The following FSTL5 variants were observed in gnomAD, a reference collection of about 807,000 sequenced individuals.
FSTL5 encodes the protein follistatin like 5.
FSTL5 carries 62 observed loss-of-function variants against 89.1 expected under a neutral mutation model. That is an observed-to-expected ratio of 0.70 (90% CI 0.57 to 0.86). The LOEUF (loss-of-function observed/expected upper bound fraction) is 0.86. Ranked by LOEUF, FSTL5 falls within the 40% of genes least tolerant of loss-of-function variation. The probability of loss-of-function intolerance (pLI) is 0.00; values close to 1 mark genes in which losing one functional copy is unlikely to be tolerated. For missense variants in FSTL5, 1,057 were observed against 1,001.6 expected, an observed-to-expected ratio of 1.06 and a Z score of -0.75; for synonymous variants, 383 against 346.2, an observed-to-expected ratio of 1.11 and a Z score of -1.18.
intron 3 of FSTL5, among the ~76,000 whole-genome samples, chr4:161,971,520 G>A (rs757701799): frequency 2.6e-5 from 4 of 152,020 alleles, no homozygotes; most frequent in Non-Finnish European, 4.4e-5. Context: ...TCTCCCTTCT[G>A]AAGAAGTAGA....
At chr4:161,814,155 A>C (rs1439291111) in intron 4 of FSTL5, among the ~76,000 whole-genome samples, 1 of 152,190 alleles carries the variant, frequency 6.6e-6, no homozygotes, top group Non-Finnish European at 1.5e-5. Context: ...AACAGAAAGA[A>C]GGGGAAGAAA....
At chr4:161,719,626 CCTTTT>C (rs1345129932) in intron 6 of FSTL5, among the ~76,000 whole-genome samples, 1 of 152,078 alleles carries the variant, frequency 6.6e-6, no homozygotes, top group South Asian at 2.1e-4. Flanking sequence ...AGATTCCTTT[CCTTTT>C]ATGTGTGTCC....
At chr4:161,929,102 T>G (rs752290662) in intron 3 of FSTL5, among the ~76,000 whole-genome samples, 3 of 151,314 alleles carry the variant, frequency 2.0e-5, no homozygotes, top group Non-Finnish European at 4.4e-5. Flanking sequence ...CTTCCTTCCT[T>G]ACTTCCTTCC....
chr4:161,795,448 C>G (rs1162648108), intron 4 of FSTL5, among the ~76,000 whole-genome samples: 1 of 152,024 alleles, frequency 6.6e-6, no homozygotes, highest in Non-Finnish European at 1.5e-5. Context: ...TTTTCCTGAG[C>G]TGAATGAAAT....
intron 3 of FSTL5, among the ~76,000 whole-genome samples, chr4:162,000,851 A>C (rs1179230685): frequency 2.0e-5 from 3 of 152,108 alleles, no homozygotes; most frequent in Non-Finnish European, 2.9e-5. Flanking sequence ...CCTTGGCACA[A>C]AATAAGGAAG....
chr4:161,743,726 T>A (rs1441939410), intron 6 of FSTL5, among the ~76,000 whole-genome samples: 3 of 152,114 alleles, frequency 2.0e-5, no homozygotes, highest in Non-Finnish European at 2.9e-5. Flanking sequence ...TGCTTACAAA[T>A]AAAAAATTGG....
chr4:161,725,067 G>A (rs899158183), intron 6 of FSTL5, among the ~76,000 whole-genome samples: 2 of 151,998 alleles, frequency 1.3e-5, no homozygotes, highest in Admixed American at 1.3e-4. Flanking sequence ...GTGGTGTCAC[G>A]TGCCTGTAGT....
chr4:161,624,725 T>A (rs1280356929), intron 7 of FSTL5, among the ~76,000 whole-genome samples: 1 of 152,070 alleles, frequency 6.6e-6, no homozygotes, highest in African/African-American at 2.4e-5. Flanking sequence ...GCATCTAGAA[T>A]GAGGAAGAAC....
chr4:161,753,637 T>C (rs1218254588), intron 6 of FSTL5, among the ~76,000 whole-genome samples: 1 of 152,206 alleles, frequency 6.6e-6, no homozygotes, highest in South Asian at 2.1e-4. Context: ...ATTTTTATTG[T>C]TCTAATTATT....
chr4:161,641,827 C>T (rs1735976688), intron 7 of FSTL5, among the ~76,000 whole-genome samples: 1 of 151,948 alleles, frequency 6.6e-6, no homozygotes, highest in Admixed American at 6.6e-5. Context: ...GTTAAATGGA[C>T]TTCCTATGGT....
intron 4 of FSTL5, among the ~76,000 whole-genome samples, chr4:161,821,952 G>A (rs1251368663): frequency 1.3e-5 from 2 of 152,156 alleles, no homozygotes; most frequent in Non-Finnish European, 2.9e-5. Flanking sequence ...GTACCCAGCA[G>A]TGAAGGATTG....
chr4:161,946,804 T>C (rs987805367), intron 3 of FSTL5, among the ~76,000 whole-genome samples: 1 of 152,182 alleles, frequency 6.6e-6, no homozygotes, highest in African/African-American at 2.4e-5. Context: ...AATTTTATAA[T>C]ACACTGTCAA....
intron 13 of FSTL5, among the ~76,000 whole-genome samples, chr4:161,470,704 A>G (rs751424744): frequency 1.3e-5 from 2 of 151,938 alleles, no homozygotes; most frequent in African/African-American, 2.4e-5. Flanking sequence ...TCTTAACAAT[A>G]TTGAGTCTTT....
chr4:161,983,046 T>G (rs1735869183), intron 3 of FSTL5, among the ~76,000 whole-genome samples: 1 of 152,198 alleles, frequency 6.6e-6, no homozygotes, highest in African/African-American at 2.4e-5. Flanking sequence ...AAGTGATAAT[T>G]TAATCAGAGA....
chr4:161,473,834 A>G (rs1261693001), intron 13 of FSTL5, among the ~76,000 whole-genome samples: 1 of 152,098 alleles, frequency 6.6e-6, no homozygotes, highest in Non-Finnish European at 1.5e-5. Context: ...TATCTTTCAG[A>G]CTTTTAGTGT....
chr4:161,629,993 C>T (rs1356189450), intron 7 of FSTL5, among the ~76,000 whole-genome samples: 2 of 152,218 alleles, frequency 1.3e-5, no homozygotes, highest in East Asian at 3.9e-4. Flanking sequence ...GCCCAGGGGC[C>T]TATAGTGGAG....
chr4:162,124,762 C>A (rs1032979526), intron 1 of FSTL5, among the ~76,000 whole-genome samples: 2 of 152,088 alleles, frequency 1.3e-5, no homozygotes, highest in African/African-American at 4.8e-5. Context: ...TGCAGTGGTG[C>A]GATCTCAGCT....
chr4:161,699,018 C>T (rs979293409), intron 6 of FSTL5, among the ~76,000 whole-genome samples: 1 of 151,796 alleles, frequency 6.6e-6, no homozygotes, highest in Non-Finnish European at 1.5e-5. Flanking sequence ...TAATTACCAG[C>T]AATAAAAATG....
chr4:161,770,387 G>A (rs891086505), intron 5 of FSTL5, among the ~76,000 whole-genome samples: 13 of 151,940 alleles, frequency 8.6e-5, no homozygotes, highest in Non-Finnish European at 1.9e-4. Context: ...AGATGCTTGA[G>A]GTGATGGATA....
Sources: allele counts gnomAD v4.1 joint callset (sites outside exome capture counted in the v4.1 genomes callset), GRCh38; gene constraint gnomAD v4.1.1; transcripts MANE v1.5; gene names NCBI Gene and HGNC (gene_info 2026-07-23, HGNC 2026-07-21).